Variants in LINGO2 observed in about 807,000 individuals in gnomAD.
LINGO2 encodes leucine rich repeat and Ig domain containing 2, also known as leucine-rich repeat and immunoglobulin-like domain-containing nogo receptor-interacting protein 2.
In LINGO2, 14 loss-of-function variants were observed where a neutral mutation model predicts 30.6. The observed-to-expected ratio is 0.46, with a 90% CI of 0.30 to 0.72. The LOEUF is 0.72. Ranked by LOEUF, LINGO2 falls within the 30% of genes least tolerant of loss-of-function variation. The probability of loss-of-function intolerance (pLI) is 0.07; values close to 1 mark genes in which losing one functional copy is unlikely to be tolerated. For missense variants in LINGO2, 729 were observed against 751.7 expected (o/e 0.97, Z 0.35); for synonymous variants, 317 against 288.5 (o/e 1.10, Z -1.00).
At chr9:28,492,906 C>T (rs1319991408) in intron 1 of LINGO2, among the ~76,000 whole-genome samples, 1 of 152,098 alleles carries the variant, frequency 6.6e-6, no homozygotes. Flanking sequence ...AGCAATTATC[C>T]TAAAAGCAGT....
chr9:28,808,776 T>C, the LINGO2 span, among the ~76,000 whole-genome samples: 1 of 152,208 alleles, frequency 6.6e-6, no homozygotes, highest in African/African-American at 2.4e-5. Context: ...TTTAATATTA[T>C]CTATAAATGA....
At chr9:28,140,031 C>A (rs1186605706) in intron 4 of LINGO2, among the ~76,000 whole-genome samples, 1 of 152,184 alleles carries the variant, frequency 6.6e-6, no homozygotes, top group Non-Finnish European at 1.5e-5. Flanking sequence ...CAGACATATA[C>A]AATTAAACAA....
At chr9:28,370,713 A>G (rs1239236544) in intron 3 of LINGO2, among the ~76,000 whole-genome samples, 1 of 152,154 alleles carries the variant, frequency 6.6e-6, no homozygotes, top group African/African-American at 2.4e-5. Flanking sequence ...TTTCTATTCC[A>G]AATGAAAGAC....
chr9:28,099,409 A>G (rs1003773343), intron 4 of LINGO2, among the ~76,000 whole-genome samples: 1 of 152,136 alleles, frequency 6.6e-6, no homozygotes, highest in Admixed American at 6.6e-5. Context: ...TGTTTGTTCC[A>G]TGATGGAAGC....
chr9:28,562,639 A>T (rs1207758785), intron 1 of LINGO2, among the ~76,000 whole-genome samples: 1 of 151,906 alleles, frequency 6.6e-6, no homozygotes, highest in Non-Finnish European at 1.5e-5. Context: ...GCTGCAAAGG[A>T]ATGTGTCTTT....
intron 4 of LINGO2, among the ~76,000 whole-genome samples, chr9:28,273,162 T>G (rs1005401702): frequency 4.6e-5 from 7 of 152,208 alleles, no homozygotes; most frequent in Non-Finnish European, 8.8e-5. Flanking sequence ...TCCAACATAA[T>G]TATTTCTTGC....
intron 4 of LINGO2, among the ~76,000 whole-genome samples, chr9:28,127,390 A>G (rs1469331492): frequency 6.6e-6 from 1 of 152,228 alleles, no homozygotes; most frequent in Non-Finnish European, 1.5e-5. Flanking sequence ...AGCCTCAGTC[A>G]AGATGCCCTC....
chr9:28,686,229 T>TTG, the LINGO2 span, among the ~76,000 whole-genome samples: 3 of 152,050 alleles, frequency 2.0e-5, no homozygotes, highest in Non-Finnish European at 4.4e-5. Flanking sequence ...ATGTAAGTCT[T>TTG]TGTGCTAAGT....
the LINGO2 span, among the ~76,000 whole-genome samples, chr9:29,012,340 C>T: frequency 2.3e-4 from 34 of 150,638 alleles, no homozygotes; most frequent in African/African-American, 5.1e-4. Flanking sequence ...TCTGGGCGAC[C>T]GAACAAGATT....
intron 4 of LINGO2, among the ~76,000 whole-genome samples, chr9:28,273,951 C>T (rs1823029868): frequency 6.6e-6 from 1 of 152,078 alleles, no homozygotes; most frequent in African/African-American, 2.4e-5. Flanking sequence ...AGAGGAACTC[C>T]CCTTTCCTCC....
chr9:28,214,456 A>T (rs1339167421), intron 4 of LINGO2, among the ~76,000 whole-genome samples: 2 of 151,584 alleles, frequency 1.3e-5, no homozygotes, highest in South Asian at 2.1e-4. Flanking sequence ...CAACTATTGA[A>T]TTCCATTATC....
chr9:28,297,671 T>C (rs1002332549), intron 3 of LINGO2, among the ~76,000 whole-genome samples: 2 of 152,340 alleles, frequency 1.3e-5, no homozygotes, highest in Non-Finnish European at 2.9e-5. Flanking sequence ...TCAATTCACA[T>C]AGCTAATGCT....
the LINGO2 span, among the ~76,000 whole-genome samples, chr9:29,101,289 A>G: frequency 6.6e-6 from 1 of 152,358 alleles, no homozygotes; most frequent in South Asian, 2.1e-4. Flanking sequence ...ACTACAACCT[A>G]TATTACCTAA....
chr9:28,413,595 A>ACC (rs1822855511), intron 2 of LINGO2, among the ~76,000 whole-genome samples: 1 of 152,076 alleles, frequency 6.6e-6, no homozygotes, highest in Admixed American at 6.6e-5. Flanking sequence ...AGAGACTCTT[A>ACC]CTGTCATCTT....
chr9:29,212,314 T>C, the LINGO2 span, among the ~76,000 whole-genome samples: 1 of 151,770 alleles, frequency 6.6e-6, no homozygotes, highest in South Asian at 2.1e-4. Context: ...CGCCGCCTCC[T>C]GGCGCCCCCA....
intron 4 of LINGO2, among the ~76,000 whole-genome samples, chr9:28,252,259 C>T (rs1435778129): frequency 6.6e-6 from 1 of 152,008 alleles, no homozygotes; most frequent in Admixed American, 6.6e-5. Context: ...TGGACTCTCA[C>T]TCTGTTTCTA....
chr9:28,060,496 T>C lies in LINGO2; in HGVS notation c.-86-48091A>G, dbSNP rs571836457. Among the ~76,000 whole-genome samples the C allele has an allele frequency of 3.3e-5, 5 of 152,254 alleles. No homozygotes were observed. The South Asian group carries it at 1.0e-3, about 32-fold the overall frequency. On this transcript the variant is annotated intron_variant, in intron 4 of 5. Transcript: ENST00000379992. The stretch of plus-strand genomic sequence containing the variant: ...ATTTACATTTTACAAATGAGAAAAA[T>C]AGGCACAGAAAGTCAAAGCAACACG...
At chr9:28,670,750 A>T (rs1167142959), upstream of LINGO2, among the ~76,000 whole-genome samples, 1 of 152,124 alleles carries the variant, frequency 6.6e-6, no homozygotes, top group Non-Finnish European at 1.5e-5. Flanking sequence ...AGAGCCATAA[A>T]ATGTAGGAAA....
At chr9:28,087,654 T>C (rs1372366897) in intron 4 of LINGO2, among the ~76,000 whole-genome samples, 1 of 152,030 alleles carries the variant, frequency 6.6e-6, no homozygotes, top group African/African-American at 2.4e-5. Context: ...ATATGCCACA[T>C]ACTCAACATG....
Sources: gnomAD v4.1 joint callset for allele counts (sites outside exome capture counted in the v4.1 genomes callset) on GRCh38, gnomAD v4.1.1 for gene constraint, MANE v1.5 for transcripts, NCBI Gene and HGNC (gene_info 2026-07-23, HGNC 2026-07-21) for gene names.